Variants in KIFAP3 observed in about 807,000 individuals in gnomAD.
KIFAP3 encodes the protein kinesin-associated protein 3.
Under a neutral mutation model 106.5 loss-of-function variants are expected in KIFAP3, and 68 were observed. The ratio of observed to expected loss-of-function variants is 0.64; its 90% CI spans 0.53 to 0.78. KIFAP3 has a LOEUF of 0.78. Ranked by LOEUF, KIFAP3 falls within the 30% of genes least tolerant of loss-of-function variation. KIFAP3 has a pLI of 0.00. For synonymous variants in KIFAP3, 320 were observed against 311.5 expected (o/e 1.03, Z -0.29); for missense variants, 780 against 941.8 (o/e 0.83, Z 2.25).
At chr1:170,037,487 T>C (rs979156286) in intron 5 of KIFAP3, among the ~76,000 whole-genome samples, 5 of 151,958 alleles carry the variant, frequency 3.3e-5, no homozygotes, top group African/African-American at 9.7e-5. Context: ...CCTAGCACTT[T>C]GGGAGGCTGA....
intron 10 of KIFAP3, among the ~76,000 whole-genome samples, chr1:170,000,404 T>C (rs1667602998): frequency 6.6e-6 from 1 of 152,128 alleles, no homozygotes; most frequent in South Asian, 2.1e-4. Context: ...GGTGATATAT[T>C]ACCCCTGGAA....
chr1:169,984,837 G>A, intron 11 of KIFAP3, 147 bp from the exon 12 acceptor site: 2 of 531,318 alleles, frequency 3.8e-6, no homozygotes, highest in Admixed American at 3.4e-5. Context: ...AAACTGGCAG[G>A]CGTTCACTGT....
intron 18 of KIFAP3, among the ~76,000 whole-genome samples, chr1:169,955,984 G>A (rs1175981712): frequency 1.3e-5 from 2 of 152,056 alleles, no homozygotes; most frequent in African/African-American, 4.8e-5. Flanking sequence ...AAAAACTTGT[G>A]ATTTTATATA....
chr1:170,078,412 A>T (rs978927977), upstream of KIFAP3, among the ~76,000 whole-genome samples: 8 of 152,180 alleles, frequency 5.3e-5, no homozygotes, highest in Admixed American at 4.6e-4. Flanking sequence ...CAGACTGATA[A>T]ACTGAGCACA....
intron 11 of KIFAP3, among the ~76,000 whole-genome samples, chr1:169,988,581 T>C (rs1458362420): frequency 2.0e-5 from 3 of 151,968 alleles, no homozygotes; most frequent in Non-Finnish European, 2.9e-5. Context: ...ATTAAACTCA[T>C]GAATGAGTTT....
In KIFAP3 at chr1:169,953,900, G is replaced by A. The variant is rs939476464; in HGVS notation, c.2273+111C>T. 4.0e-6 allele frequency: 3 copies of A among 748,244 alleles called. No homozygotes were observed. The African/African-American group carries it at 5.2e-5, about 13-fold the overall frequency. The allele number at this position is 748,244 out of a possible 1,614,324, so 46.4% of individuals were successfully genotyped here. A position where few individuals can be genotyped will look rare whatever the true frequency, so the allele number is the denominator to read the frequency against. ...AAACATGCCCTTGAAAAGATTGAGGGTTTTTTCCCCCCTCTTAATGAAAAA... is the reference window on the plus strand; with the variant it reads ...AAACATGCCCTTGAAAAGATTGAGGATTTTTTCCCCCCTCTTAATGAAAAA... On this transcript the variant is annotated intron_variant, in intron 19 of 19. Transcript: ENST00000361580.
chr1:169,958,595 T>C (rs750137579), intron 18 of KIFAP3, among the ~76,000 whole-genome samples: 1 of 152,202 alleles, frequency 6.6e-6, no homozygotes, highest in Non-Finnish European at 1.5e-5. Flanking sequence ...ATAGGTAGTA[T>C]GAAAACTATG....
intron 19 of KIFAP3, among the ~76,000 whole-genome samples, chr1:169,936,373 T>C (rs940733221): frequency 7.9e-5 from 12 of 151,872 alleles, no homozygotes; most frequent in Non-Finnish European, 1.6e-4. Context: ...TTTAGGACTC[T>C]GATGTGTTTC....
chr1:170,017,622 T>C (rs1003235413), intron 9 of KIFAP3, among the ~76,000 whole-genome samples: 2 of 152,236 alleles, frequency 1.3e-5, no homozygotes, highest in African/African-American at 4.8e-5. Flanking sequence ...CTTTTAATGC[T>C]GTACTAAGAA....
intron 1 of KIFAP3, among the ~76,000 whole-genome samples, chr1:170,066,109 T>C (rs1671430535): frequency 6.6e-6 from 1 of 152,146 alleles, no homozygotes; most frequent in Admixed American, 6.6e-5. Context: ...AGTTACCTTT[T>C]TTTTTTCACA....
chr1:169,994,323 T>A (rs1235766691), intron 10 of KIFAP3, among the ~76,000 whole-genome samples: 2 of 152,198 alleles, frequency 1.3e-5, no homozygotes, highest in East Asian at 3.8e-4. Flanking sequence ...ACATTTTTCT[T>A]CCTCATTTGA....
At chr1:170,079,262 C>T (rs984063674), upstream of KIFAP3, among the ~76,000 whole-genome samples, 2 of 152,186 alleles carry the variant, frequency 1.3e-5, no homozygotes, top group South Asian at 2.1e-4. Flanking sequence ...GATCACTGCA[C>T]ATGCTGGCTC....
At chr1:169,931,809 G>A (rs1663500913) in intron 19 of KIFAP3, among the ~76,000 whole-genome samples, 1 of 152,172 alleles carries the variant, frequency 6.6e-6, no homozygotes, top group Non-Finnish European at 1.5e-5. Context: ...TTCAGCGACA[G>A]TTTAACTATA....
intron 19 of KIFAP3, among the ~76,000 whole-genome samples, chr1:169,938,392 A>G (rs1198574480): frequency 6.6e-6 from 1 of 152,052 alleles, no homozygotes; most frequent in Non-Finnish European, 1.5e-5. Context: ...ATATGATACT[A>G]TAAGCAGGAT....
chr1:169,978,236 T>C, intron 15 of KIFAP3, 53 bp from the exon 16 acceptor site: 2 of 1,150,652 alleles, frequency 1.7e-6, no homozygotes, highest in Non-Finnish European at 2.6e-6. Flanking sequence ...TATACCAAAT[T>C]TAAAATAATT....
At chr1:170,005,067 C>G (rs1277253563) in intron 10 of KIFAP3, among the ~76,000 whole-genome samples, 61 of 151,600 alleles carry the variant, frequency 4.0e-4, no homozygotes, top group Non-Finnish European at 6.8e-4. Context: ...AGACACTTCT[C>G]AAAAGAAGAC....
chr1:170,028,465 T>C (rs1258099035), intron 8 of KIFAP3, among the ~76,000 whole-genome samples: 1 of 152,070 alleles, frequency 6.6e-6, no homozygotes, highest in Middle Eastern at 3.2e-3. Flanking sequence ...GCCTCCTGAG[T>C]AGCTGGGGAC....
intron 9 of KIFAP3, among the ~76,000 whole-genome samples, chr1:170,017,560 T>C (rs1468212470): frequency 2.0e-5 from 3 of 152,184 alleles, no homozygotes; most frequent in African/African-American, 7.2e-5. Context: ...ATAAAGTACA[T>C]GTTGAAGACT....
At chr1:169,989,892 G>A (rs944712100) in intron 11 of KIFAP3, among the ~76,000 whole-genome samples, 1 of 151,934 alleles carries the variant, frequency 6.6e-6, no homozygotes, top group African/African-American at 2.4e-5. Flanking sequence ...AAAAGTTATG[G>A]TCTATTTTTT....
Sources: gnomAD v4.1 joint callset for allele counts (sites outside exome capture counted in the v4.1 genomes callset) on GRCh38, gnomAD v4.1.1 for gene constraint, MANE v1.5 for transcripts, NCBI Gene and HGNC (gene_info 2026-07-23, HGNC 2026-07-21) for gene names.